RTTN: variants seen among roughly 807,000 people sequenced by gnomAD.
RTTN encodes the protein rotatin.
A neutral mutation model predicts 269.2 loss-of-function variants in RTTN; 182 were observed. The ratio of observed to expected loss-of-function variants is 0.68; its 90% CI spans 0.60 to 0.76. The LOEUF (loss-of-function observed/expected upper bound fraction) is 0.76, where lower values mean the gene tolerates loss of function less well. RTTN is among the 30% of genes least tolerant of loss of function. The pLI is 0.00. For missense variants in RTTN, 2,545 were observed against 2,608.6 expected (o/e 0.98, Z 0.53); for synonymous variants, 1,006 against 963.5 (o/e 1.04, Z -0.82).
At chr18:70,199,109 C>T (rs2061886669) in intron 5 of RTTN, among the ~76,000 whole-genome samples, 1 of 152,104 alleles carries the variant, frequency 6.6e-6, no homozygotes, top group South Asian at 2.1e-4. Flanking sequence ...ATCGCTTGAA[C>T]CCAGGAGGCG....
intron 32 of RTTN, among the ~76,000 whole-genome samples, chr18:70,081,442 C>A (rs2058565410): frequency 1.3e-5 from 2 of 152,076 alleles, no homozygotes. Context: ...TTACAAAGGA[C>A]AAAACAGGCA....
intron 9 of RTTN, 73 bp downstream of exon 9, chr18:70,190,465 A>G (rs948474438): frequency 4.0e-6 from 5 of 1,235,956 alleles, no homozygotes; most frequent in East Asian, 4.9e-5. Context: ...TAGAAGAGAA[A>G]AAAAGGAAAA....
Position 70,030,873 on chromosome 18 carries a change from C to T in RTTN, c.5647+3G>A, listed in dbSNP as rs371681336. On this transcript the variant is annotated splice_donor_region_variant and intron_variant, in intron 41 of 48. Coordinates refer to ENST00000640769, the MANE Select transcript of RTTN (RefSeq NM_173630.4). ...AAAACAGCTGATGTGTCATGTGGCTCACCTTTCAAAGCATGTTTCTGTGCT... is the reference window on the plus strand; with the variant it reads ...AAAACAGCTGATGTGTCATGTGGCTTACCTTTCAAAGCATGTTTCTGTGCT... The T allele has an allele frequency of 6.2e-7, 1 of 1,605,414 alleles. No homozygotes were observed. The highest frequency in any genetic ancestry group is 1.3e-5 in the African/African-American group (1 of 74,696).
chr18:70,181,430 AATGACAT>A (rs2061419662), intron 10 of RTTN, among the ~76,000 whole-genome samples: 1 of 152,172 alleles, frequency 6.6e-6, no homozygotes, highest in African/African-American at 2.4e-5. Flanking sequence ...GACTAGGGGG[AATGACAT>A]ATGACATACT....
intron 32 of RTTN, among the ~76,000 whole-genome samples, chr18:70,081,437 A>T (rs1287348171): frequency 6.6e-6 from 1 of 152,202 alleles, no homozygotes; most frequent in Non-Finnish European, 1.5e-5. Flanking sequence ...TAACTTTACA[A>T]AGGACAAAAC....
intron 19 of RTTN, among the ~76,000 whole-genome samples, chr18:70,142,005 T>C (rs1489155299): frequency 6.6e-6 from 1 of 152,162 alleles, no homozygotes; most frequent in Non-Finnish European, 1.5e-5. Flanking sequence ...GGTCAAATAA[T>C]AATAAGGCAT....
At chr18:70,205,451 G>T (rs921369498) in intron 1 of RTTN, 136 bp from the exon 2 acceptor site, 40 of 1,359,950 alleles carry the variant, frequency 2.9e-5, no homozygotes, top group Middle Eastern at 2.0e-4. Flanking sequence ...CCTTCGGGAC[G>T]CGAACCGCGA....
Position 70,188,112 on chromosome 18 carries a change from T to C in RTTN, c.1301A>G (p.Asp434Gly), listed in dbSNP as rs8083708. 2 of 1,559,282 alleles carry C rather than the reference T, an allele frequency of 1.3e-6. No individual in the cohort carries two copies. The highest frequency in any genetic ancestry group is 1.8e-6 in the Non-Finnish European group (2 of 1,130,732). The change falls in exon 10 of 49, where the codon GAT becomes GGT. Residue 434 changes from aspartate (D) to glycine (G), a missense_variant. Transcript: ENST00000640769. ...AAAGAAAACATTGATTCTTACCATA[T>C]CTATACCAAAAAGGCTGCTGTCATC... ...IWDDSSLFGI[D>G]MKEKLLLVLG...
At chr18:70,076,393 T>C (rs571134169) in intron 32 of RTTN, among the ~76,000 whole-genome samples, 1 of 152,096 alleles carries the variant, frequency 6.6e-6, no homozygotes, top group Non-Finnish European at 1.5e-5. Context: ...ATATTGCAAG[T>C]TGACCTTTAA....
intron 18 of RTTN, among the ~76,000 whole-genome samples, chr18:70,143,694 T>G (rs1309454443): frequency 6.6e-6 from 1 of 151,974 alleles, no homozygotes; most frequent in Non-Finnish European, 1.5e-5. Context: ...CAAACCCCCA[T>G]GACACGAGTT....
rs572815188 is a variant in RTTN, at chr18:70,104,131, A to C, written c.3903+5367T>G. 7.9e-5 allele frequency among the ~76,000 whole-genome samples: 12 copies of C among 152,278 alleles called. No homozygotes were observed. The East Asian group carries it at 2.1e-3, about 27-fold the overall frequency. ...CCGTCACTTTCAGGTACAACAATCA[A>C]ATGTAGATTTGGTCTTTTCACATAG... On this transcript the variant is annotated intron_variant, in intron 28 of 48. Transcript: ENST00000640769.
At chr18:70,144,273 C>T (rs2060332779) in intron 18 of RTTN, among the ~76,000 whole-genome samples, 1 of 152,162 alleles carries the variant, frequency 6.6e-6, no homozygotes, top group Admixed American at 6.5e-5. Flanking sequence ...CCAGGCTAAC[C>T]TGAGAAAAGC....
chr18:70,037,148 G>A (rs190405820), intron 40 of RTTN, among the ~76,000 whole-genome samples: 7 of 152,286 alleles, frequency 4.6e-5, no homozygotes, highest in Non-Finnish European at 4.4e-5. Context: ...CCTTGCCACC[G>A]TAAAGCCAGT....
chr18:70,022,041 T>C (rs147867031), intron 44 of RTTN, among the ~76,000 whole-genome samples: 2 of 152,294 alleles, frequency 1.3e-5, no homozygotes, highest in African/African-American at 4.8e-5. Flanking sequence ...AAATCTTAAA[T>C]TTATGACCAT....
At chr18:70,027,368 T>C (rs1568261230) in intron 43 of RTTN, among the ~76,000 whole-genome samples, 1 of 152,236 alleles carries the variant, frequency 6.6e-6, no homozygotes, top group Non-Finnish European at 1.5e-5. Flanking sequence ...ATATTATATT[T>C]ATACTCAAGG....
At chr18:70,158,147 A>G (rs1436053110) in intron 14 of RTTN, among the ~76,000 whole-genome samples, 3 of 152,156 alleles carry the variant, frequency 2.0e-5, no homozygotes, top group Non-Finnish European at 4.4e-5. Flanking sequence ...ACACATAGTC[A>G]TCAGATTCTC....
intron 28 of RTTN, among the ~76,000 whole-genome samples, chr18:70,108,138 G>A (rs963426154): frequency 5.3e-5 from 8 of 152,088 alleles, no homozygotes; most frequent in Admixed American, 2.0e-4. Flanking sequence ...TTAGCTGTGC[G>A]TGGTGGCAGG....
intron 18 of RTTN, among the ~76,000 whole-genome samples, chr18:70,145,215 T>C (rs1221257257): frequency 6.6e-6 from 1 of 152,228 alleles, no homozygotes; most frequent in African/African-American, 2.4e-5. Context: ...CATGGGACTG[T>C]CTAGTTGCAG....
Position 70,029,584 on chromosome 18 carries a change from C to A in RTTN, c.5745+428G>T, listed in dbSNP as rs534232823. 4.6e-5 allele frequency among the ~76,000 whole-genome samples: 7 copies of A among 152,152 alleles called. No individual in the cohort carries two copies. The South Asian group carries it at 1.5e-3, about 32-fold the overall frequency. On this transcript the variant is annotated intron_variant, in intron 42 of 48. Transcript: ENST00000640769. ...ATCAATTACCAGTTGTGTGACTATG[C>A]TGTAATGAGTGTTTGTTCATGAGAT...
Sources: allele counts gnomAD v4.1 joint callset (sites outside exome capture counted in the v4.1 genomes callset), GRCh38; gene constraint gnomAD v4.1.1; transcripts MANE v1.5; gene names NCBI Gene and HGNC (gene_info 2026-07-23, HGNC 2026-07-21).